The following GRIP1 variants were observed in gnomAD, a reference collection of about 807,000 sequenced individuals.
GRIP1 encodes glutamate receptor-interacting protein 1.
In GRIP1, 45 loss-of-function variants were observed where a neutral mutation model predicts 129.9. The ratio of observed to expected loss-of-function variants is 0.35; its 90% CI spans 0.27 to 0.44. GRIP1 has a LOEUF of 0.44. Among genes scored for constraint, GRIP1 ranks in the 20% least tolerant of loss-of-function variants. The pLI is 1.00. For missense variants in GRIP1, 1,196 were observed against 1,396.8 expected, an observed-to-expected ratio of 0.86 and a Z score of 2.29; for synonymous variants, 530 against 520.8, an observed-to-expected ratio of 1.02 and a Z score of -0.24.
At chr12:66,744,927 T>C (rs1353057085) in intron 1 of GRIP1, among the ~76,000 whole-genome samples, 1 of 152,202 alleles carries the variant, frequency 6.6e-6, no homozygotes, top group African/African-American at 2.4e-5. Context: ...AGCAAGAAAT[T>C]AATGAATTTG....
intron 1 of GRIP1, among the ~76,000 whole-genome samples, chr12:66,624,258 T>C (rs1445118865): frequency 6.6e-6 from 1 of 152,166 alleles, no homozygotes. Flanking sequence ...CTAGATTATG[T>C]TGCACAGAGA....
At chr12:66,779,836 T>C (rs1404698994) in intron 1 of GRIP1, among the ~76,000 whole-genome samples, 1 of 152,228 alleles carries the variant, frequency 6.6e-6, no homozygotes, top group Non-Finnish European at 1.5e-5. Flanking sequence ...GGGAAGCTAC[T>C]GTAGACAGGA....
intron 9 of GRIP1, among the ~76,000 whole-genome samples, chr12:66,461,960 G>A (rs10219488): frequency 0.27 from 40,898 of 152,074 alleles, 6,466 homozygotes; most frequent in African/African-American, 0.43. Context: ...GGGCAGGAGA[G>A]GGAGTCGGAA....
chr12:66,916,019 G>A (rs942125816), intron 1 of GRIP1, among the ~76,000 whole-genome samples: 1 of 152,194 alleles, frequency 6.6e-6, no homozygotes, highest in Non-Finnish European at 1.5e-5. Flanking sequence ...TTGGGGGCAA[G>A]GGCAGGTGGG....
intron 1 of GRIP1, among the ~76,000 whole-genome samples, chr12:66,897,943 C>T (rs1298167695): frequency 6.6e-6 from 1 of 152,022 alleles, no homozygotes; most frequent in Non-Finnish European, 1.5e-5. Context: ...CCTCGCAAAA[C>T]AAAGAAAAAT....
At chr12:66,823,237 T>A (rs1352000553) in intron 1 of GRIP1, among the ~76,000 whole-genome samples, 1 of 152,162 alleles carries the variant, frequency 6.6e-6, no homozygotes, top group Admixed American at 6.5e-5. Context: ...CATGTAAATA[T>A]CTTGAATATC....
chr12:66,583,422 T>G (rs1455018807), intron 2 of GRIP1, among the ~76,000 whole-genome samples: 1 of 143,542 alleles, frequency 7.0e-6, no homozygotes, highest in Admixed American at 7.1e-5. Context: ...CTAATTAAAC[T>G]AAAGAGCTTC....
At chr12:66,929,398 T>A (rs1225578331) in intron 1 of GRIP1, among the ~76,000 whole-genome samples, 5 of 152,210 alleles carry the variant, frequency 3.3e-5, no homozygotes, top group African/African-American at 7.2e-5. Context: ...CATATCATGA[T>A]ATAAAATTAC....
At chr12:66,790,370 T>A (rs990168343) in intron 1 of GRIP1, among the ~76,000 whole-genome samples, 7 of 152,190 alleles carry the variant, frequency 4.6e-5, no homozygotes, top group Non-Finnish European at 1.0e-4. Context: ...CCTTGAGGCA[T>A]CGTAAACTGT....
upstream of GRIP1, among the ~76,000 whole-genome samples, chr12:66,804,698 T>G (rs2038952726): frequency 6.6e-6 from 1 of 152,138 alleles, no homozygotes; most frequent in Non-Finnish European, 1.5e-5. Flanking sequence ...TGAACTGACT[T>G]TCCTACCTGC....
At chr12:67,029,027 A>G (rs192557930) in intron 1 of GRIP1, among the ~76,000 whole-genome samples, 1 of 152,250 alleles carries the variant, frequency 6.6e-6, no homozygotes, top group Admixed American at 6.5e-5. Flanking sequence ...TTTGATAGAG[A>G]TGAAGCTGAG....
chr12:66,679,410 C>T (rs144247407), upstream of GRIP1, among the ~76,000 whole-genome samples: 112 of 129,790 alleles, frequency 8.6e-4, no homozygotes, highest in East Asian at 0.023. Context: ...GGAAGAAATG[C>T]ATGGGTCATG....
At chr12:66,678,192 A>C (rs1462587729) in intron 1 of GRIP1, among the ~76,000 whole-genome samples, 2 of 152,162 alleles carry the variant, frequency 1.3e-5, no homozygotes, top group Non-Finnish European at 2.9e-5. Flanking sequence ...ATTACAGAGA[A>C]ATTTAATTAC....
chr12:66,664,706 T>C (rs2033698505), intron 1 of GRIP1, among the ~76,000 whole-genome samples: 1 of 152,196 alleles, frequency 6.6e-6, no homozygotes, highest in African/African-American at 2.4e-5. Flanking sequence ...GAATGTAAGG[T>C]ATGAAAATTT....
At chr12:66,904,278 G>T (rs999066378) in intron 1 of GRIP1, among the ~76,000 whole-genome samples, 2 of 152,112 alleles carry the variant, frequency 1.3e-5, no homozygotes, top group African/African-American at 4.8e-5. Context: ...ATCAGTTATT[G>T]AACAAATATT....
At chr12:66,633,348 G>T (rs1046288063) in intron 1 of GRIP1, among the ~76,000 whole-genome samples, 1 of 149,622 alleles carries the variant, frequency 6.7e-6, no homozygotes, top group Non-Finnish European at 1.5e-5. Context: ...ATGGGGTTTT[G>T]CCATGTTGCC....
chr12:67,039,227 C>A (rs776295824), intron 1 of GRIP1, among the ~76,000 whole-genome samples: 1 of 152,056 alleles, frequency 6.6e-6, no homozygotes, highest in Non-Finnish European at 1.5e-5. Context: ...GGCAAATATA[C>A]CACTTAAATT....
At chr12:66,865,374 A>G (rs566059183) in intron 1 of GRIP1, among the ~76,000 whole-genome samples, 3 of 152,296 alleles carry the variant, frequency 2.0e-5, no homozygotes, top group African/African-American at 7.2e-5. Flanking sequence ...TCTCAAGATT[A>G]TAACTTTTTT....
At chr12:66,725,275 T>C (rs1592780970) in intron 1 of GRIP1, among the ~76,000 whole-genome samples, 1 of 151,918 alleles carries the variant, frequency 6.6e-6, no homozygotes, top group East Asian at 1.9e-4. Flanking sequence ...TGCACTCCAG[T>C]CTGGGCAACA....
Sources: gnomAD v4.1 joint callset for allele counts (sites outside exome capture counted in the v4.1 genomes callset) on GRCh38, gnomAD v4.1.1 for gene constraint, MANE v1.5 for transcripts, NCBI Gene and HGNC (gene_info 2026-07-23, HGNC 2026-07-21) for gene names.